The following SAMD4A variants were observed in gnomAD, a reference collection of about 807,000 sequenced individuals.
SAMD4A encodes the protein sterile alpha motif domain containing 4A.
Under a neutral mutation model 81.3 loss-of-function variants are expected in SAMD4A, and 33 were observed. The observed-to-expected ratio is 0.41, with a 90% CI of 0.31 to 0.54. The LOEUF is 0.54. Among genes scored for constraint, SAMD4A ranks in the 20% least tolerant of loss-of-function variants. The probability of loss-of-function intolerance (pLI) is 0.37; values close to 1 mark genes in which losing one functional copy is unlikely to be tolerated. For missense variants in SAMD4A, 854 were observed against 951.1 expected, an observed-to-expected ratio of 0.90 and a Z score of 1.34; for synonymous variants, 389 against 382.1, an observed-to-expected ratio of 1.02 and a Z score of -0.21.
intron 3 of SAMD4A, among the ~76,000 whole-genome samples, chr14:54,706,241 A>T (rs564174283): frequency 6.9e-6 from 1 of 145,600 alleles, no homozygotes; most frequent in Non-Finnish European, 1.5e-5. Flanking sequence ...TGATCGTGTC[A>T]CTGCACTCCA....
chr14:54,721,015 A>G (rs763992939), intron 3 of SAMD4A, among the ~76,000 whole-genome samples: 3 of 152,084 alleles, frequency 2.0e-5, no homozygotes, highest in Non-Finnish European at 4.4e-5. Context: ...ATTTCCTGTC[A>G]TCTTCTCTCC....
At chr14:54,643,659 A>G (rs1195029288) in intron 2 of SAMD4A, among the ~76,000 whole-genome samples, 1 of 152,196 alleles carries the variant, frequency 6.6e-6, no homozygotes, top group African/African-American at 2.4e-5. Context: ...GTGTTATAAG[A>G]CACTCAAGAA....
At chr14:54,636,114 G>C (rs1442534511) in intron 2 of SAMD4A, among the ~76,000 whole-genome samples, 1 of 152,198 alleles carries the variant, frequency 6.6e-6, no homozygotes, top group South Asian at 2.1e-4. Context: ...TTGGAGTTTT[G>C]CCAAGAGTTG....
At chr14:54,670,258 A>G (rs2035851542) in intron 2 of SAMD4A, among the ~76,000 whole-genome samples, 1 of 152,200 alleles carries the variant, frequency 6.6e-6, no homozygotes, top group South Asian at 2.1e-4. Context: ...CTAGGCATTA[A>G]GGACTCTCTG....
intron 6 of SAMD4A, among the ~76,000 whole-genome samples, chr14:54,754,544 C>T (rs528925399): frequency 2.0e-5 from 3 of 152,270 alleles, no homozygotes; most frequent in East Asian, 3.9e-4. Flanking sequence ...TCCCCTGGCC[C>T]TCCTCTGTCT....
intron 8 of SAMD4A, 120 bp downstream of exon 8, chr14:54,764,660 A>G: frequency 1.5e-6 from 1 of 658,834 alleles, no homozygotes; most frequent in Non-Finnish European, 2.7e-6. Flanking sequence ...GTGGACAGTT[A>G]TTAATAATAG....
intron 2 of SAMD4A, among the ~76,000 whole-genome samples, chr14:54,685,483 T>C (rs2140614005): frequency 6.6e-6 from 1 of 152,360 alleles, no homozygotes; most frequent in South Asian, 2.1e-4. Flanking sequence ...ATATTCCGCA[T>C]GTTGTTTACC....
Position 54,694,799 on chromosome 14 carries a change from G to T in SAMD4A, c.197-7263G>T, listed in dbSNP as rs1385103728. Reference sequence around the variant, plus strand: ...GCTGAGATCTCAGGACTACTTCCCAGCTGGCCTGGGTCCTCAAGGAGTAAA... The same window carrying T: ...GCTGAGATCTCAGGACTACTTCCCATCTGGCCTGGGTCCTCAAGGAGTAAA... On this transcript the variant is annotated intron_variant, in intron 2 of 12. Transcript: ENST00000554335. The T allele has an allele frequency of 3.0e-6, 3 of 985,322 alleles. No homozygotes were observed. In the African/African-American group the frequency reaches 5.2e-5, roughly 17 times the overall value. 61.0% of individuals were successfully genotyped at this position (985,322 alleles called of 1,614,324 possible).
intron 2 of SAMD4A, among the ~76,000 whole-genome samples, chr14:54,682,741 A>T (rs17127752): frequency 0.031 from 4,735 of 152,288 alleles, 264 homozygotes; most frequent in African/African-American, 0.11. Flanking sequence ...ATGAACATGT[A>T]CCAAATTAAA....
chr14:54,645,871 G>A (rs772507039), intron 2 of SAMD4A, among the ~76,000 whole-genome samples: 2 of 152,142 alleles, frequency 1.3e-5, no homozygotes, highest in African/African-American at 2.4e-5. Context: ...TTTCCTTGCC[G>A]TTTTTTATAT....
chr14:54,710,916 C>T (rs971706440), intron 3 of SAMD4A, among the ~76,000 whole-genome samples: 1 of 152,192 alleles, frequency 6.6e-6, no homozygotes, highest in Non-Finnish European at 1.5e-5. Flanking sequence ...TGTCAAATTC[C>T]TGGCACAGAT....
At chr14:54,668,222 C>T (rs139963687) in intron 2 of SAMD4A, among the ~76,000 whole-genome samples, 2 of 152,308 alleles carry the variant, frequency 1.3e-5, no homozygotes, top group East Asian at 3.9e-4. Flanking sequence ...AGTACCTTTC[C>T]TCTACTTGAA....
At chr14:54,608,760 G>A (rs557647202) in intron 2 of SAMD4A, among the ~76,000 whole-genome samples, 2 of 152,278 alleles carry the variant, frequency 1.3e-5, no homozygotes, top group East Asian at 1.9e-4. Context: ...TCTTTCTTAG[G>A]TAAGAATATA....
chr14:54,713,271 A>G (rs1238142271), intron 3 of SAMD4A, among the ~76,000 whole-genome samples: 1 of 152,146 alleles, frequency 6.6e-6, no homozygotes. Context: ...AGTGCCATCA[A>G]CTATTGTCAA....
At chr14:54,634,593 G>A (rs1427131691) in intron 2 of SAMD4A, among the ~76,000 whole-genome samples, 3 of 152,110 alleles carry the variant, frequency 2.0e-5, no homozygotes, top group Non-Finnish European at 2.9e-5. Context: ...GCTTTGACAG[G>A]AGGCAGAGCT....
At chr14:54,640,281 T>G (rs2035144307) in intron 2 of SAMD4A, among the ~76,000 whole-genome samples, 3 of 152,234 alleles carry the variant, frequency 2.0e-5, no homozygotes, top group Admixed American at 2.0e-4. Flanking sequence ...TGTTTTACTC[T>G]GGGTTTGTAA....
At chr14:54,605,845 TA>T (rs775396924) in intron 2 of SAMD4A, among the ~76,000 whole-genome samples, 2 of 152,176 alleles carry the variant, frequency 1.3e-5, no homozygotes, top group Admixed American at 6.5e-5. Flanking sequence ...ATGTATGACT[TA>T]AAAAATTATT....
intron 3 of SAMD4A, among the ~76,000 whole-genome samples, chr14:54,723,810 G>C (rs1566604463): frequency 1.3e-5 from 2 of 152,198 alleles, no homozygotes; most frequent in South Asian, 2.1e-4. Context: ...TATGCAGAGA[G>C]ATGCTCACTG....
At chr14:54,610,516 C>A (rs1594730944) in intron 2 of SAMD4A, among the ~76,000 whole-genome samples, 1 of 152,164 alleles carries the variant, frequency 6.6e-6, no homozygotes, top group Non-Finnish European at 1.5e-5. Flanking sequence ...TTTTTTGGCA[C>A]ATATCTCTGA....
Sources: allele counts gnomAD v4.1 joint callset (sites outside exome capture counted in the v4.1 genomes callset), GRCh38; gene constraint gnomAD v4.1.1; transcripts MANE v1.5; gene names NCBI Gene and HGNC (gene_info 2026-07-23, HGNC 2026-07-21).